Variants in ZNF609 observed in about 807,000 individuals in gnomAD.
ZNF609 encodes zinc finger protein 609.
In ZNF609, 11 loss-of-function variants were observed where a neutral mutation model predicts 109.5. The observed-to-expected ratio is 0.10, with a 90% CI of 0.06 to 0.17. The LOEUF is 0.17. ZNF609 is among the 10% of genes least tolerant of loss of function. The pLI, the probability that ZNF609 is intolerant of heterozygous loss-of-function variation, is 1.00. For missense variants in ZNF609, 1,559 were observed against 1,772.4 expected, an observed-to-expected ratio of 0.88 and a Z score of 2.16; for synonymous variants, 646 against 662.0, an observed-to-expected ratio of 0.98 and a Z score of 0.37.
chr15:64,589,804 C>T (rs1342212851), intron 2 of ZNF609, among the ~76,000 whole-genome samples: 1 of 151,922 alleles, frequency 6.6e-6, no homozygotes, highest in Non-Finnish European at 1.5e-5. Flanking sequence ...AATTAAATGG[C>T]TAAAAATTTT....
intron 1 of ZNF609, among the ~76,000 whole-genome samples, chr15:64,495,495 G>A (rs1016999905): frequency 1.1e-4 from 16 of 152,056 alleles, no homozygotes; most frequent in Non-Finnish European, 2.2e-4. Context: ...CCAGGTTCAA[G>A]CAATTCTCCT....
At chr15:64,466,288 G>A (rs1389775342) in intron 1 of ZNF609, among the ~76,000 whole-genome samples, 1 of 152,022 alleles carries the variant, frequency 6.6e-6, no homozygotes, top group Non-Finnish European at 1.5e-5. Flanking sequence ...ATGCCATAGA[G>A]CCTAAAACTT....
At chr15:64,465,181 T>G (rs73452238) in intron 1 of ZNF609, among the ~76,000 whole-genome samples, 7,043 of 152,252 alleles carry the variant, frequency 0.046, 546 homozygotes, top group African/African-American at 0.16. Flanking sequence ...TTTCTTGCTT[T>G]CAGTATGGTG....
chr15:64,573,482 G>A (rs1335117562), intron 2 of ZNF609, among the ~76,000 whole-genome samples: 1 of 145,894 alleles, frequency 6.9e-6, no homozygotes, highest in Non-Finnish European at 1.5e-5. Flanking sequence ...AGCCTCCCGA[G>A]TAGCTGGGAC....
At chr15:64,529,623 G>C in intron 2 of ZNF609, 1 of 1,037,716 alleles carries the variant, frequency 9.6e-7, no homozygotes, top group Admixed American at 1.7e-5. Flanking sequence ...TGGTGCACCA[G>C]GCACCCAGTA....
At chr15:64,556,900 C>A (rs1180665987) in intron 2 of ZNF609, among the ~76,000 whole-genome samples, 1 of 152,024 alleles carries the variant, frequency 6.6e-6, no homozygotes, top group Non-Finnish European at 1.5e-5. Flanking sequence ...GATTTAATGC[C>A]ATTTATAATA....
intron 2 of ZNF609, among the ~76,000 whole-genome samples, chr15:64,600,710 A>G (rs1895483880): frequency 6.7e-6 from 1 of 150,024 alleles, no homozygotes; most frequent in Non-Finnish European, 1.5e-5. Flanking sequence ...AGGAAGGAAG[A>G]AAGGAAGGGA....
At chr15:64,512,577 A>C (rs1189806586) in intron 2 of ZNF609, among the ~76,000 whole-genome samples, 2 of 152,208 alleles carry the variant, frequency 1.3e-5, no homozygotes, top group African/African-American at 4.8e-5. Context: ...ATTCAAAGTA[A>C]ACATGCTGTT....
At chr15:64,663,541 G>A (rs181231206) in intron 3 of ZNF609, among the ~76,000 whole-genome samples, 59 of 152,252 alleles carry the variant, frequency 3.9e-4, no homozygotes, top group Middle Eastern at 6.8e-3. Flanking sequence ...ACATGAATCT[G>A]GAGTTTAGGG....
intron 2 of ZNF609, among the ~76,000 whole-genome samples, chr15:64,539,115 T>C (rs1362647596): frequency 6.6e-6 from 1 of 152,040 alleles, no homozygotes; most frequent in Admixed American, 6.6e-5. Context: ...GTGATTCTCC[T>C]GCCTCAACCT....
At chr15:64,599,811 C>T (rs2140946624) in intron 2 of ZNF609, among the ~76,000 whole-genome samples, 1 of 152,266 alleles carries the variant, frequency 6.6e-6, no homozygotes, top group East Asian at 1.9e-4. Flanking sequence ...TCTTTAAATA[C>T]ATTGTGTTTG....
intron 2 of ZNF609, among the ~76,000 whole-genome samples, chr15:64,530,180 A>G (rs1445219960): frequency 6.6e-6 from 1 of 151,632 alleles, no homozygotes; most frequent in Non-Finnish European, 1.5e-5. Context: ...ACGCCTGGCT[A>G]ATTTTTGTAT....
In ZNF609 at chr15:64,682,238, G is replaced by A. The variant is rs1037278050; in HGVS notation, c.*552G>A. 9 of 152,612 alleles carry A rather than the reference G, an allele frequency of 5.9e-5. No individual in the cohort carries two copies. The highest frequency in any genetic ancestry group is 1.9e-4 in the African/African-American group (8 of 41,444). 9.5% of individuals were successfully genotyped at this position (152,612 alleles called of 1,614,324 possible). ...GAACTAGAATCTCAGGAAAGAAATT[G>A]GGGGTTGTTTTCTACATAATTGTGA... On this transcript the variant is annotated 3_prime_UTR_variant, in exon 10 of 10. Coordinates refer to ENST00000326648, the MANE Select transcript of ZNF609 (RefSeq NM_015042.2).
chr15:64,603,575 G>A (rs1386916947), intron 2 of ZNF609, among the ~76,000 whole-genome samples: 1 of 151,786 alleles, frequency 6.6e-6, no homozygotes, highest in Non-Finnish European at 1.5e-5. Flanking sequence ...GGCCCACAGT[G>A]CCTTTCTTTA....
chr15:64,663,010 C>A (rs1016866546), intron 3 of ZNF609, among the ~76,000 whole-genome samples: 1 of 151,970 alleles, frequency 6.6e-6, no homozygotes, highest in South Asian at 2.1e-4. Flanking sequence ...ATAGGTGATA[C>A]ATACAGATGT....
intron 2 of ZNF609, among the ~76,000 whole-genome samples, chr15:64,540,468 A>C (rs1010080666): frequency 5.3e-5 from 8 of 151,774 alleles, no homozygotes; most frequent in Non-Finnish European, 1.0e-4. Flanking sequence ...GCAGTGGTGC[A>C]ATCTTGACTC....
chr15:64,651,734 G>C (rs1896418579), intron 3 of ZNF609, among the ~76,000 whole-genome samples: 1 of 152,214 alleles, frequency 6.6e-6, no homozygotes, highest in Non-Finnish European at 1.5e-5. Context: ...GCAAAGACAT[G>C]AGGTGACCTA....
chr15:64,562,360 T>C (rs1023562852), intron 2 of ZNF609, among the ~76,000 whole-genome samples: 5 of 152,228 alleles, frequency 3.3e-5, no homozygotes, highest in Non-Finnish European at 7.3e-5. Flanking sequence ...CCTTGGCATT[T>C]GAAGAAACTT....
chr15:64,578,244 T>A (rs1004470064), intron 2 of ZNF609, among the ~76,000 whole-genome samples: 34 of 152,158 alleles, frequency 2.2e-4, no homozygotes, highest in African/African-American at 7.9e-4. Context: ...GGTTTTTTTT[T>A]TATATCAAAA....
Sources: gnomAD v4.1 joint callset for allele counts (sites outside exome capture counted in the v4.1 genomes callset) on GRCh38, gnomAD v4.1.1 for gene constraint, MANE v1.5 for transcripts, NCBI Gene and HGNC (gene_info 2026-07-23, HGNC 2026-07-21) for gene names.